The following PTH2R variants were observed in gnomAD, a reference collection of about 807,000 sequenced individuals.
PTH2R encodes parathyroid hormone 2 receptor.
In PTH2R, 59 loss-of-function variants were observed where a neutral mutation model predicts 60.3. The ratio of observed to expected loss-of-function variants is 0.98; its 90% CI spans 0.79 to 1.22. PTH2R has a LOEUF of 1.22. PTH2R is among the 50% of genes most tolerant of loss of function. The pLI is 0.00. For synonymous variants in PTH2R, 256 were observed against 243.8 expected, an observed-to-expected ratio of 1.05 and a Z score of -0.47; for missense variants, 749 against 682.6, an observed-to-expected ratio of 1.10 and a Z score of -1.08.
At chr2:208,433,574 G>C (rs770235544) in intron 2 of PTH2R, among the ~76,000 whole-genome samples, 1 of 152,146 alleles carries the variant, frequency 6.6e-6, no homozygotes, top group Non-Finnish European at 1.5e-5. Context: ...TAGTTTGTGA[G>C]TATATGATTT....
intron 6 of PTH2R, among the ~76,000 whole-genome samples, chr2:208,444,511 C>A (rs1702249074): frequency 6.6e-6 from 1 of 151,922 alleles, no homozygotes; most frequent in Non-Finnish European, 1.5e-5. Context: ...TTGGTAACTT[C>A]TTAAAGAAAA....
At chr2:208,470,968 CT>C (rs1702867779) in intron 9 of PTH2R, among the ~76,000 whole-genome samples, 1 of 152,128 alleles carries the variant, frequency 6.6e-6, no homozygotes, top group Admixed American at 6.5e-5. Context: ...AAAGGTGACT[CT>C]TGTTATCTTT....
chr2:208,488,741 G>T (rs1020284415), intron 10 of PTH2R, among the ~76,000 whole-genome samples: 1 of 152,104 alleles, frequency 6.6e-6, no homozygotes, highest in Admixed American at 6.6e-5. Flanking sequence ...TTCAGGCATG[G>T]TGGCAAGCAC....
At chr2:208,360,084 C>T (rs372688837) in exon 1 of PTH2R, 7 of 381,800 alleles carry the variant, frequency 1.8e-5, no homozygotes, top group Non-Finnish European at 2.6e-5. Context: ...TTTTTAAAAA[C>T]GGAGAGTTTT....
In PTH2R at chr2:208,437,818, T is replaced by C. The variant is rs1415853037; in HGVS notation, c.348T>C (p.Asn116=). 1 of 1,613,946 alleles carries C rather than the reference T, an allele frequency of 6.2e-7. No individual in the cohort carries two copies. Among genetic ancestry groups the C allele is most frequent in the Non-Finnish European group, 8.5e-7 (1 of 1,179,838 alleles). The stretch of plus-strand genomic sequence containing the variant: ...CATGGGATTTTATGCACAGCTTAAA[T>C]AAAACATGGGCCAATTATTCAGACT... ...NGTWDFMHSL[N]KTWANYSDCL... Residue 116 remains asparagine, a synonymous_variant, in exon 4 of 13, where the codon AAT becomes AAC. Transcript: ENST00000272847.
At chr2:208,483,335 A>G (rs866075874) in intron 10 of PTH2R, among the ~76,000 whole-genome samples, 5 of 152,336 alleles carry the variant, frequency 3.3e-5, no homozygotes, top group Middle Eastern at 6.8e-3. Flanking sequence ...AGGATAGAAT[A>G]ATAAAAAATG....
intron 1 of PTH2R, among the ~76,000 whole-genome samples, chr2:208,382,522 C>T (rs1477904883): frequency 1.3e-5 from 2 of 151,998 alleles, no homozygotes; most frequent in East Asian, 3.9e-4. Context: ...GTAGGAATTG[C>T]CTAGGTAATA....
At chr2:208,489,191 A>G (rs1413843488) in intron 11 of PTH2R, 41 bp downstream of exon 11, 1 of 1,610,868 alleles carries the variant, frequency 6.2e-7, no homozygotes, top group Admixed American at 1.7e-5. Context: ...TGTAATTTGC[A>G]GTTTTTTTTC....
intron 9 of PTH2R, among the ~76,000 whole-genome samples, chr2:208,476,090 C>T (rs1158651810): frequency 6.6e-6 from 1 of 151,880 alleles, no homozygotes; most frequent in Non-Finnish European, 1.5e-5. Flanking sequence ...CTAGTAAAGG[C>T]CTTTAGGAAA....
chr2:208,444,555 C>G (rs186056611), intron 6 of PTH2R, among the ~76,000 whole-genome samples, 179 bp from the exon 7 acceptor site: 11 of 152,246 alleles, frequency 7.2e-5, no homozygotes, highest in Admixed American at 6.5e-4. Context: ...AGTTCATAGT[C>G]TTGAAAAATG....
intron 12 of PTH2R, among the ~76,000 whole-genome samples, chr2:208,492,487 C>T (rs896363687): frequency 1.3e-5 from 2 of 152,026 alleles, no homozygotes; most frequent in African/African-American, 4.8e-5. Flanking sequence ...AATATTTGGT[C>T]AGTATAAACA....
intron 8 of PTH2R, among the ~76,000 whole-genome samples, chr2:208,453,897 G>T (rs1702457869): frequency 6.6e-6 from 1 of 152,178 alleles, no homozygotes; most frequent in Non-Finnish European, 1.5e-5. Context: ...TACCTTCATT[G>T]TGCGTAAAGA....
At chr2:208,488,862 T>TA (rs2105911463) in intron 10 of PTH2R, 150 bp from the exon 11 acceptor site, 1 of 787,852 alleles carries the variant, frequency 1.3e-6, no homozygotes, top group Non-Finnish European at 2.0e-6. Flanking sequence ...GGGAGACAGA[T>TA]AGAGTGAAAC....
intron 1 of PTH2R, among the ~76,000 whole-genome samples, chr2:208,390,866 T>A (rs1701096598): frequency 6.6e-6 from 1 of 152,166 alleles, no homozygotes; most frequent in South Asian, 2.1e-4. Context: ...TGAGACTGAG[T>A]ACGATGAGTA....
chr2:208,473,164 C>G lies in PTH2R; in HGVS notation c.982-7906C>G, dbSNP rs528258149. Among the ~76,000 whole-genome samples the G allele has an allele frequency of 1.5e-3, 221 of 152,274 alleles. 1 individual carries two copies. Among genetic ancestry groups the G allele is most frequent in the African/African-American group, 4.9e-3 (205 of 41,548 alleles). ...GAGAAAGTTTTATTTTGGTCCTGGTCTTGAACAACACTCACATGTGTGGTG... is the reference window on the plus strand; with the variant it reads ...GAGAAAGTTTTATTTTGGTCCTGGTGTTGAACAACACTCACATGTGTGGTG... On this transcript the variant is annotated intron_variant, in intron 9 of 12. Transcript: ENST00000272847.
chr2:208,455,963 G>T (rs559143530), intron 8 of PTH2R, among the ~76,000 whole-genome samples: 1 of 152,152 alleles, frequency 6.6e-6, no homozygotes. Flanking sequence ...TTTGGGCTGG[G>T]CAAGGTGGCT....
chr2:208,485,638 A>G (rs562136219), intron 10 of PTH2R, among the ~76,000 whole-genome samples: 2 of 152,328 alleles, frequency 1.3e-5, no homozygotes, highest in African/African-American at 4.8e-5. Flanking sequence ...ATTCCACTGG[A>G]CAGAATTTGT....
At chr2:208,439,409 A>G (rs1291177439) in intron 4 of PTH2R, among the ~76,000 whole-genome samples, 2 of 152,068 alleles carry the variant, frequency 1.3e-5, no homozygotes, top group African/African-American at 4.8e-5. Context: ...CAAGAAAACA[A>G]AATATGTCTA....
Position 208,442,374 on chromosome 2 carries a change from T to C in PTH2R, c.422T>C (p.Phe141Ser). The change falls in exon 5 of 13, where the codon TTT becomes TCT. Residue 141 changes from phenylalanine (F) to serine (S), a missense_variant. Phe to Ser is a radical substitution (Grantham distance 155). Transcript: ENST00000272847. Reference sequence around the variant, plus strand: ...TCTCTTCCCTTGCAGCAAGAATTCTTTGAACGCCTCTATGTAATGTATACC... The same window carrying C: ...TCTCTTCCCTTGCAGCAAGAATTCTCTGAACGCCTCTATGTAATGTATACC... ...PDISIGKQEF[F>S]ERLYVMYTVG... is the part of the protein sequence containing the mutation. 6.2e-7 allele frequency: 1 copy of C among 1,611,198 alleles called. No individual in the cohort carries two copies. The highest frequency in any genetic ancestry group is 8.5e-7 in the Non-Finnish European group (1 of 1,177,436).
Sources: gnomAD v4.1 joint callset for allele counts (sites outside exome capture counted in the v4.1 genomes callset) on GRCh38, gnomAD v4.1.1 for gene constraint, MANE v1.5 for transcripts, NCBI Gene and HGNC (gene_info 2026-07-23, HGNC 2026-07-21) for gene names.